ASAP2: variants seen among roughly 807,000 people sequenced by gnomAD.
ASAP2 encodes ArfGAP with SH3 domain, ankyrin repeat and PH domain 2.
Under a neutral mutation model 131.4 loss-of-function variants are expected in ASAP2, and 45 were observed. The observed-to-expected ratio is 0.34, with a 90% CI of 0.27 to 0.44. The LOEUF is 0.44. ASAP2 is among the 20% of genes least tolerant of loss of function. ASAP2 has a pLI of 1.00. For synonymous variants in ASAP2, 510 were observed against 503.0 expected (o/e 1.01, Z -0.19); for missense variants, 1,011 against 1,297.0 (o/e 0.78, Z 3.39).
At chr2:9,312,928 G>A (rs886494422) in intron 3 of ASAP2, among the ~76,000 whole-genome samples, 40 of 152,120 alleles carry the variant, frequency 2.6e-4, no homozygotes, top group Non-Finnish European at 8.8e-5. Flanking sequence ...GCATGGTGGC[G>A]TGTGCCTGTA....
intron 24 of ASAP2, among the ~76,000 whole-genome samples, chr2:9,398,290 G>A (rs1219404307): frequency 6.7e-6 from 1 of 149,676 alleles, no homozygotes; most frequent in African/African-American, 2.5e-5. Context: ...CAGGAGGATT[G>A]CTTGAGACTA....
At chr2:9,329,937 A>G (rs10200085) in intron 7 of ASAP2, among the ~76,000 whole-genome samples, 4,592 of 152,226 alleles carry the variant, frequency 0.03, 232 homozygotes, top group African/African-American at 0.11. Context: ...CTGTGTTGCC[A>G]CCACACCGTC....
intron 15 of ASAP2, among the ~76,000 whole-genome samples, chr2:9,366,096 A>G (rs907842166): frequency 6.6e-6 from 1 of 151,940 alleles, no homozygotes; most frequent in Non-Finnish European, 1.5e-5. Context: ...TGCAGCCTCC[A>G]TTTGCAAATG....
At chr2:9,382,087 AATTC>A (rs1674898935) in intron 20 of ASAP2, among the ~76,000 whole-genome samples, 1 of 150,030 alleles carries the variant, frequency 6.7e-6, no homozygotes, top group African/African-American at 2.5e-5. Flanking sequence ...AGGTTTAAGC[AATTC>A]TTCTGCCTCA....
intron 1 of ASAP2, among the ~76,000 whole-genome samples, chr2:9,211,010 C>T (rs1661503338): frequency 6.6e-6 from 1 of 152,002 alleles, no homozygotes; most frequent in South Asian, 2.1e-4. Flanking sequence ...ACAAAATTAG[C>T]TGGGTGTGGT....
chr2:9,344,453 A>G (rs1269301422), intron 9 of ASAP2, 79 bp from the exon 10 acceptor site: 2 of 1,215,440 alleles, frequency 1.6e-6, no homozygotes, highest in Non-Finnish European at 1.2e-6. Context: ...CACATTAGGC[A>G]TAAGTTTCCT....
At chr2:9,322,494 T>G (rs1670217074) in intron 5 of ASAP2, among the ~76,000 whole-genome samples, 1 of 150,200 alleles carries the variant, frequency 6.7e-6, no homozygotes, top group Non-Finnish European at 1.5e-5. Context: ...TCACGGCTAT[T>G]TCAAGCCCAC....
chr2:9,270,785 A>ATTT lies in ASAP2; in HGVS notation c.127-8509_127-8507dup, dbSNP rs35913703. ...AGTCTCCATGAGTTCAATTGTTTTC[A>ATTT]TTTTTTTTTTTTTTTTTTTTTTTTT... is the stretch of plus-strand genomic sequence containing the variant. On this transcript the variant is annotated intron_variant, in intron 1 of 27. Coordinates refer to ENST00000281419, the MANE Select transcript of ASAP2 (RefSeq NM_003887.3). Among the ~76,000 whole-genome samples, 324 of 52,936 alleles carry ATTT rather than the reference A, an allele frequency of 6.1e-3. 10 individuals carry two copies. The highest frequency in any genetic ancestry group is 0.022 in the South Asian group (26 of 1,206). 34.7% of individuals were successfully genotyped at this position (52,936 alleles called of 152,430 possible).
intron 1 of ASAP2, among the ~76,000 whole-genome samples, chr2:9,266,401 C>A (rs1017928356): frequency 1.3e-5 from 2 of 152,156 alleles, no homozygotes; most frequent in Non-Finnish European, 2.9e-5. Context: ...CCCACCTCAG[C>A]CTTCCAAAGT....
chr2:9,356,139 G>A, intron 13 of ASAP2, 40 bp from the exon 14 acceptor site: 1 of 1,614,174 alleles, frequency 6.2e-7, no homozygotes, highest in Non-Finnish European at 8.5e-7. Context: ...CTCAGCCGTT[G>A]TTTGTGGAAT....
chr2:9,263,471 G>C (rs1454221058), intron 1 of ASAP2, among the ~76,000 whole-genome samples: 1 of 152,200 alleles, frequency 6.6e-6, no homozygotes, highest in African/African-American at 2.4e-5. Flanking sequence ...AGAGCTCCCA[G>C]AAAAGTCTCT....
At chr2:9,312,684 T>G (rs1314794809) in intron 3 of ASAP2, among the ~76,000 whole-genome samples, 2 of 152,176 alleles carry the variant, frequency 1.3e-5, no homozygotes, top group African/African-American at 4.8e-5. Flanking sequence ...CTTGGTAGTT[T>G]ACTTACCTAA....
chr2:9,211,614 T>G (rs894248219), intron 1 of ASAP2, among the ~76,000 whole-genome samples: 1 of 152,222 alleles, frequency 6.6e-6, no homozygotes, highest in African/African-American at 2.4e-5. Context: ...GCCATAATTC[T>G]CTACTTTGTT....
rs1334583754 is a variant in ASAP2 at position 9,208,901 on chromosome 2, T to G, written c.126+1671T>G. 2.6e-5 allele frequency among the ~76,000 whole-genome samples: 4 copies of G among 152,244 alleles called. No homozygotes were observed. The East Asian group carries it at 7.7e-4, about 29-fold the overall frequency. On this transcript the variant is annotated intron_variant, in intron 1 of 27. Coordinates refer to ENST00000281419, the MANE Select transcript of ASAP2 (RefSeq NM_003887.3). The stretch of plus-strand genomic sequence containing the variant: ...TAGAAAGCTTGATTATGTTTAAAGT[T>G]CTGTTGCTTTTCCCCACTGCAGTTT...
chr2:9,246,209 A>C (rs1271805902), intron 1 of ASAP2, among the ~76,000 whole-genome samples: 1 of 152,206 alleles, frequency 6.6e-6, no homozygotes, highest in African/African-American at 2.4e-5. Context: ...GACATTTAAA[A>C]CAGGTGGACG....
chr2:9,299,242 G>C (rs540351778), intron 3 of ASAP2, among the ~76,000 whole-genome samples: 1 of 152,254 alleles, frequency 6.6e-6, no homozygotes, highest in South Asian at 2.1e-4. Context: ...ATCCCTGTGT[G>C]AACTTGCAAA....
chr2:9,214,134 C>T lies in ASAP2; in HGVS notation c.126+6904C>T, dbSNP rs11684556. Among the ~76,000 whole-genome samples the T allele has an allele frequency of 6.6e-3, 1,003 of 152,336 alleles. 11 individuals are homozygous for T. The highest frequency in any genetic ancestry group is 0.023 in the African/African-American group (963 of 41,578). On this transcript the variant is annotated intron_variant, in intron 1 of 27. Coordinates refer to ENST00000281419, the MANE Select transcript of ASAP2 (RefSeq NM_003887.3). Reference sequence around the variant, plus strand: ...TTCTTTCCCTACTAAAGAGAGGTGACGTTCCGTGATATGAACCTACCTCCT... The same window carrying T: ...TTCTTTCCCTACTAAAGAGAGGTGATGTTCCGTGATATGAACCTACCTCCT...
chr2:9,244,964 G>A (rs1664234629), intron 1 of ASAP2, among the ~76,000 whole-genome samples: 1 of 152,156 alleles, frequency 6.6e-6, no homozygotes, highest in Admixed American at 6.5e-5. Flanking sequence ...GATGGTGTGT[G>A]AGCTCAGTTG....
At chr2:9,317,534 CCACA>C (rs1243935157) in intron 3 of ASAP2, among the ~76,000 whole-genome samples, 25 of 146,374 alleles carry the variant, frequency 1.7e-4, no homozygotes, top group African/African-American at 2.8e-4. Context: ...ACACTCAAAT[CCACA>C]CAATCTCTCA....
Sources: allele counts gnomAD v4.1 joint callset (sites outside exome capture counted in the v4.1 genomes callset), GRCh38; gene constraint gnomAD v4.1.1; transcripts MANE v1.5; gene names NCBI Gene and HGNC (gene_info 2026-07-23, HGNC 2026-07-21).